Variants in EXOSC10 observed in about 807,000 individuals in gnomAD.
EXOSC10 encodes exosome component 10.
A neutral mutation model predicts 126.6 loss-of-function variants in EXOSC10; 94 were observed. That is an observed-to-expected ratio of 0.74 (90% CI 0.63 to 0.88). The LOEUF is 0.88. Among genes scored for constraint, EXOSC10 ranks in the 40% least tolerant of loss-of-function variants. EXOSC10 has a pLI of 0.00. For synonymous variants in EXOSC10, 395 were observed against 400.8 expected (o/e 0.99, Z 0.17); for missense variants, 1,041 against 1,100.5 (o/e 0.95, Z 0.77).
Position 11,077,657 on chromosome 1 carries a change from G to A in EXOSC10, c.1750-6C>T. On this transcript the variant is annotated splice_polypyrimidine_tract_variant and splice_region_variant and intron_variant, in intron 14 of 24. Transcript: ENST00000376936. ...ACTCCGGCTGCAACTTCAGACTAAG[G>A]AAAAAAACGAAGGGAATTGAGGAAA... is the stretch of plus-strand genomic sequence containing the variant. 1 of 1,601,158 alleles carries A rather than the reference G, an allele frequency of 6.2e-7. No homozygotes were observed. Among genetic ancestry groups the A allele is most frequent in the Non-Finnish European group, 8.5e-7 (1 of 1,171,844 alleles).
chr1:11,091,457 A>T, intron 4 of EXOSC10, 36 bp downstream of exon 4: 1 of 1,541,904 alleles, frequency 6.5e-7, no homozygotes, highest in Non-Finnish European at 8.9e-7. Context: ...TATGAAGCTG[A>T]CATCAAGAGC....
rs573868496 is a variant in EXOSC10, at chr1:11,088,143, G to T, written c.814C>A (p.Leu272Ile). The T allele has an allele frequency of 2.4e-5, 38 of 1,613,464 alleles. No homozygotes were observed. The highest frequency in any genetic ancestry group is 3.1e-5 in the Non-Finnish European group (37 of 1,179,800). The change falls in exon 7 of 25, where the codon CTT (leucine) becomes ATT (isoleucine). Residue 272 changes from leucine (L) to isoleucine (I), a missense_variant. Physicochemically the swap from Leu to Ile is conservative, Grantham distance 5. Transcript: ENST00000376936. ...CTAACCTGGGGTTGTGGCTTTTGAA[G>T]CACTGCATCTGCTGGGGTAAAGTGA... ...LNHFTPADAV[L>I]QKPQPQLYRP... is the part of the protein sequence containing the mutation.
At position 11,072,164 on chromosome 1, in the gene EXOSC10, T is replaced by C. The variant is rs905091611; in HGVS notation, c.2165A>G (p.Asn722Ser). 3 of 1,610,960 alleles carry C rather than the reference T, an allele frequency of 1.9e-6. No individual in the cohort carries two copies. Among genetic ancestry groups the C allele is most frequent in the East Asian group, 4.5e-5 (2 of 44,876 alleles). ...DPSTKIYEIS[N>S]RWKLAQVQVQ... ...TTGTACCTGGGCCAGCTTCCAGCGG[T>C]TGCTGATCTATAATGAAAGCAAATA... is the stretch of plus-strand genomic sequence containing the variant. The change falls in exon 20 of 25, where the codon AAC becomes AGC. Residue 722 changes from asparagine (N) to serine (S), a missense_variant. By Grantham distance (46) the Asn-to-Ser change is conservative (BLOSUM62 1). This residue lies in a region of EXOSC10 where 388 missense variants were observed against 415.2 expected (regional missense o/e 0.93). Transcript: ENST00000376936.
chr1:11,076,177 CCAAA>C (rs1009825924), intron 17 of EXOSC10, among the ~76,000 whole-genome samples: 1 of 151,188 alleles, frequency 6.6e-6, no homozygotes, highest in Non-Finnish European at 1.5e-5. Flanking sequence ...AAAAACCAAA[CCAAA>C]CAAACAAAAA....
intron 3 of EXOSC10, 104 bp from the exon 4 acceptor site, chr1:11,091,701 C>T (rs1390161299): frequency 4.7e-6 from 4 of 859,426 alleles, no homozygotes; most frequent in Non-Finnish European, 7.4e-6. Context: ...CTCTGTCACC[C>T]AGGCTGGAGT....
chr1:11,091,303 T>A, intron 4 of EXOSC10, 124 bp from the exon 5 acceptor site: 1 of 1,030,022 alleles, frequency 9.7e-7, no homozygotes, highest in Non-Finnish European at 1.4e-6. Context: ...TTTAAGAATG[T>A]ATGTGCATGT....
intron 3 of EXOSC10, among the ~76,000 whole-genome samples, chr1:11,095,188 G>C (rs925314117): frequency 2.7e-5 from 4 of 148,438 alleles, no homozygotes; most frequent in African/African-American, 1.0e-4. Flanking sequence ...CTCCAGCCTG[G>C]GCAACCAAGC....
intron 3 of EXOSC10, 80 bp downstream of exon 3, chr1:11,095,678 C>T: frequency 7.6e-7 from 1 of 1,319,768 alleles, no homozygotes; most frequent in Non-Finnish European, 1.1e-6. Context: ...CGCATCACTG[C>T]ACTCCAGCCT....
At chr1:11,076,387 C>T (rs1395035647) in intron 17 of EXOSC10, among the ~76,000 whole-genome samples, 1 of 152,046 alleles carries the variant, frequency 6.6e-6, no homozygotes, top group Non-Finnish European at 1.5e-5. Context: ...TGAAAGCACA[C>T]ATATGTGGTG....
At chr1:11,090,476 T>C in intron 6 of EXOSC10, 78 bp downstream of exon 6, 1 of 1,135,050 alleles carries the variant, frequency 8.8e-7, no homozygotes, top group Non-Finnish European at 1.3e-6. Context: ...TGTTTTCATG[T>C]ATATACTCCA....
At chr1:11,082,644 A>G in intron 10 of EXOSC10, 44 bp downstream of exon 10, 1 of 1,608,694 alleles carries the variant, frequency 6.2e-7, no homozygotes, top group Non-Finnish European at 8.5e-7. Context: ...ATGAATAATC[A>G]CTTTCTTCTG....
Position 11,080,891 on chromosome 1 carries a change from T to G in EXOSC10, c.1459A>C (p.Thr487Pro). 1 of 1,607,936 alleles carries G rather than the reference T, an allele frequency of 6.2e-7. No homozygotes were observed. The highest frequency in any genetic ancestry group is 2.2e-5 in the East Asian group (1 of 44,856). Residue 487 changes from threonine to proline, a missense_variant, in exon 12 of 25, where the codon ACG (threonine) becomes CCG (proline). Thr to Pro is a conservative substitution (Grantham distance 38). Coordinates refer to ENST00000376936, the MANE Select transcript of EXOSC10 (RefSeq NM_001001998.3). ...TAGAGTTCAAGGTAGGACTCATCCG[T>G]GAAGATAGGTTTGATGAATTTCTAC... ...CLKKFIKPIF[T>P]DESYLELYRK...
Position 11,068,018 on chromosome 1 carries a change from T to C in EXOSC10, c.2617A>G (p.Lys873Glu), listed in dbSNP as rs769764712. 4.3e-6 allele frequency: 7 copies of C among 1,614,046 alleles called. No individual in the cohort carries two copies. The highest frequency in any genetic ancestry group is 3.3e-4 in the Middle Eastern group (2 of 6,082). The change falls in exon 24 of 25, where the codon AAG (lysine) becomes GAG (glutamate). Residue 873 changes from lysine (K) to glutamate (E), a missense_variant. This residue lies in a region of EXOSC10 where 388 missense variants were observed against 415.2 expected (regional missense o/e 0.93). Coordinates refer to ENST00000376936, the MANE Select transcript of EXOSC10 (RefSeq NM_001001998.3). ...GNKSMSFPTGKSDRGFRYNWP... is the reference protein window; with the variant it reads ...GNKSMSFPTGESDRGFRYNWP... ...CCGTCCACCACATACCTGTCTGACT[T>C]TCCAGTTGGAAAGGACATGCTTTTG... is the stretch of plus-strand genomic sequence containing the variant.
At chr1:11,069,483 T>TATAAG in intron 22 of EXOSC10, 76 bp downstream of exon 22, 7 of 1,492,826 alleles carry the variant, frequency 4.7e-6, no homozygotes, top group Non-Finnish European at 5.5e-6. Context: ...TTGGCCCCTA[T>TATAAG]ATTGTGGTCT....
intron 6 of EXOSC10, among the ~76,000 whole-genome samples, chr1:11,089,413 C>T (rs1318723863): frequency 2.0e-5 from 3 of 150,790 alleles, no homozygotes; most frequent in Middle Eastern, 6.8e-3. Flanking sequence ...AGTTCGAGAC[C>T]AGCCTGACCA....
At chr1:11,068,611 C>G (rs764078715) in intron 23 of EXOSC10, 34 bp downstream of exon 23, 2 of 1,573,562 alleles carry the variant, frequency 1.3e-6, no homozygotes, top group East Asian at 4.5e-5. Flanking sequence ...CAGGCGCCAC[C>G]AGCGTGCTAA....
Position 11,099,795 on chromosome 1 carries a change from AC to A in EXOSC10, c.36del (p.Ser13ArgfsTer24). On this transcript the variant is annotated frameshift_variant, in exon 1 of 25. Transcript: ENST00000376936. LOFTEE classifies it high-confidence loss of function. Reference sequence around the variant, plus strand: ...TCGGATTTGGTTGCGCTGGTCGCCGACAGGACCCTGGGCTCCCGGGTACTGG... The same window carrying A: ...TCGGATTTGGTTGCGCTGGTCGCCGAAGGACCCTGGGCTCCCGGGTACTGG... ...APPSTREPRV[L>X]SATSATKSDG... 6.2e-7 allele frequency: 1 copy of A among 1,611,818 alleles called. No homozygotes were observed. Among genetic ancestry groups the A allele is most frequent in the Admixed American group, 1.7e-5 (1 of 59,844 alleles).
intron 3 of EXOSC10, among the ~76,000 whole-genome samples, chr1:11,094,202 T>C (rs1640943932): frequency 6.6e-6 from 1 of 151,982 alleles, no homozygotes; most frequent in Non-Finnish European, 1.5e-5. Context: ...GTTCTGGAAC[T>C]CCTGAGCTCA....
chr1:11,074,707 G>A lies in EXOSC10; in HGVS notation c.1987-381C>T, dbSNP rs567372869. Reference sequence around the variant, plus strand: ...GGATTACAGGTGTGAGCCACCGCACGCACCCGGCCAGTAACAGTGATATTA... The same window carrying A: ...GGATTACAGGTGTGAGCCACCGCACACACCCGGCCAGTAACAGTGATATTA... On this transcript the variant is annotated intron_variant, in intron 17 of 24. Transcript: ENST00000376936. Among the ~76,000 whole-genome samples the A allele has an allele frequency of 3.3e-5, 5 of 151,758 alleles. No homozygotes were observed. The South Asian group carries it at 6.3e-4, about 19-fold the overall frequency.
Sources: gnomAD v4.1 joint callset for allele counts (sites outside exome capture counted in the v4.1 genomes callset) on GRCh38, gnomAD v4.1.1 for gene constraint, gnomAD v4.1.1 regional missense constraint, MANE v1.5 for transcripts, NCBI Gene and HGNC (gene_info 2026-07-23, HGNC 2026-07-21) for gene names.